Variants in LGR6 observed in about 807,000 individuals in gnomAD.
The protein encoded by LGR6 is leucine-rich repeat-containing G protein-coupled receptor 6.
A neutral mutation model predicts 69.4 loss-of-function variants in LGR6; 45 were observed. The ratio of observed to expected loss-of-function variants is 0.65; its 90% confidence interval spans 0.51 to 0.83. The LOEUF (loss-of-function observed/expected upper bound fraction) is 0.83, where lower values mean the gene tolerates loss of function less well. LGR6 is among the 40% of genes least tolerant of loss of function. The pLI, the probability that LGR6 is intolerant of heterozygous loss-of-function variation, is 0.00. For missense variants in LGR6, 1,108 were observed against 1,246.7 expected (o/e 0.89, Z 1.68); for synonymous variants, 538 against 555.0 (o/e 0.97, Z 0.43).
intron 12 of LGR6, 96 bp from the exon 13 acceptor site, chr1:202,306,772 G>T (rs1380102311): frequency 9.1e-7 from 1 of 1,099,564 alleles, no homozygotes; most frequent in Non-Finnish European, 1.4e-6. Flanking sequence ...CAGGAGAAGT[G>T]GGGGGCTCTA....
At chr1:202,233,625 C>A (rs972973259) in intron 3 of LGR6, among the ~76,000 whole-genome samples, 1 of 152,130 alleles carries the variant, frequency 6.6e-6, no homozygotes, top group East Asian at 1.9e-4. Context: ...CTGGCAGCCT[C>A]TTCCTTTGAA....
Position 202,276,366 on chromosome 1 carries a change from C to T in LGR6, c.489C>T (p.Ser163=), listed in dbSNP as rs771165255. ...VPERSFEGLS[S]LRHLWLDDNA... ...AGAGGAGCTTTGAGGGGCTGTCCTC[C>T]CTCCGCCACCTCTGGCTGGACGACA... Residue 163 remains serine, a synonymous_variant, in exon 5 of 18, where the codon TCC becomes TCT. Transcript: ENST00000367278. 143 of 1,614,088 alleles carry T rather than the reference C, an allele frequency of 8.9e-5. No individual in the cohort carries two copies. The highest frequency in any genetic ancestry group is 5.2e-5 in the Non-Finnish European group (61 of 1,180,024).
intron 6 of LGR6, among the ~76,000 whole-genome samples, chr1:202,296,106 C>T (rs931816070): frequency 5.9e-5 from 9 of 152,134 alleles, no homozygotes; most frequent in Non-Finnish European, 8.8e-5. Flanking sequence ...TGAAGGGCCT[C>T]CATGTGGTCC....
chr1:202,264,865 C>T (rs1189151015), intron 4 of LGR6, among the ~76,000 whole-genome samples: 3 of 152,114 alleles, frequency 2.0e-5, no homozygotes, highest in South Asian at 4.1e-4. Flanking sequence ...CGCCACCACC[C>T]CAGGGGTTCT....
chr1:202,281,198 G>A (rs1488452682), intron 6 of LGR6, among the ~76,000 whole-genome samples: 1 of 152,094 alleles, frequency 6.6e-6, no homozygotes, highest in Non-Finnish European at 1.5e-5. Context: ...TGAAGCCCGG[G>A]GAATAGAAGG....
In LGR6 at chr1:202,203,927, G is replaced by T. The variant is rs749497152; in HGVS notation, c.212+9726G>T. On this transcript the variant is annotated intron_variant, in intron 1 of 17. Coordinates refer to ENST00000367278, the MANE Select transcript of LGR6 (RefSeq NM_001017403.2). ...TCCTTGGGGGGTGTTTAGCACAGAGGGGGTGCGATTTTATTTCCTGTGAAA... is the reference window on the plus strand; with the variant it reads ...TCCTTGGGGGGTGTTTAGCACAGAGTGGGTGCGATTTTATTTCCTGTGAAA... 27 of 1,329,714 alleles carry T rather than the reference G, an allele frequency of 2.0e-5. No individual in the cohort carries two copies. The South Asian group carries it at 3.2e-4, about 16-fold the overall frequency. 82.4% of individuals were successfully genotyped at this position (1,329,714 alleles called of 1,614,324 possible).
At chr1:202,306,283 A>G (rs1653179467) in intron 12 of LGR6, among the ~76,000 whole-genome samples, 1 of 152,226 alleles carries the variant, frequency 6.6e-6, no homozygotes, top group Admixed American at 6.5e-5. Flanking sequence ...TCTAAGCTGT[A>G]TTAACCCAGC....
chr1:202,273,204 A>G (rs867008439), intron 4 of LGR6, among the ~76,000 whole-genome samples: 76 of 152,296 alleles, frequency 5.0e-4, no homozygotes, highest in African/African-American at 1.7e-3. Context: ...TACCTGGCAT[A>G]TGACAAGGAC....
At chr1:202,214,166 G>A in intron 1 of LGR6, 1 of 1,523,834 alleles carries the variant, frequency 6.6e-7, no homozygotes. Context: ...TGCGCTTGGA[G>A]GGAGAGGGCC....
At chr1:202,280,703 A>G in intron 5 of LGR6, 78 bp from the exon 6 acceptor site, 5 of 1,273,266 alleles carry the variant, frequency 3.9e-6, no homozygotes, top group Non-Finnish European at 5.7e-6. Flanking sequence ...CACTTTCCCC[A>G]TGCCACCATG....
At chr1:202,217,683 C>A (rs1010423176) in intron 1 of LGR6, among the ~76,000 whole-genome samples, 4 of 152,050 alleles carry the variant, frequency 2.6e-5, no homozygotes, top group South Asian at 2.1e-4. Flanking sequence ...CCACTCCAGG[C>A]ACCCCTCCAG....
At chr1:202,203,935 A>C in intron 1 of LGR6, 1 of 1,205,226 alleles carries the variant, frequency 8.3e-7, no homozygotes. Flanking sequence ...AGGGGGTGCG[A>C]TTTTATTTCC....
At chr1:202,249,237 T>C (rs1158192600) in intron 4 of LGR6, among the ~76,000 whole-genome samples, 1 of 152,206 alleles carries the variant, frequency 6.6e-6, no homozygotes, top group Non-Finnish European at 1.5e-5. Context: ...TTTGATTGCA[T>C]AGGAGCATGT....
At chr1:202,215,046 G>A (rs1659680801) in intron 1 of LGR6, among the ~76,000 whole-genome samples, 1 of 146,594 alleles carries the variant, frequency 6.8e-6, no homozygotes, top group Admixed American at 7.0e-5. Flanking sequence ...GGTGAGTTGA[G>A]TTGCTGGGTT....
At chr1:202,240,789 A>T (rs1662126930) in intron 4 of LGR6, among the ~76,000 whole-genome samples, 1 of 152,154 alleles carries the variant, frequency 6.6e-6, no homozygotes, top group South Asian at 2.1e-4. Context: ...GGGAAAAATG[A>T]CAATTTTTTG....
intron 16 of LGR6, among the ~76,000 whole-genome samples, chr1:202,310,834 T>C (rs1653668758): frequency 6.6e-6 from 1 of 151,516 alleles, no homozygotes; most frequent in South Asian, 2.1e-4. Flanking sequence ...AAAGGAACAG[T>C]GTAGGGTTAT....
chr1:202,310,096 C>A, intron 15 of LGR6, 101 bp from the exon 16 acceptor site: 2 of 1,213,882 alleles, frequency 1.6e-6, no homozygotes, highest in Non-Finnish European at 2.3e-6. Flanking sequence ...AGGACAGACA[C>A]TGAGTGCCCA....
intron 17 of LGR6, 26 bp from the exon 18 acceptor site, chr1:202,317,926 G>C (rs752266665): frequency 6.4e-7 from 1 of 1,568,624 alleles, no homozygotes; most frequent in African/African-American, 1.3e-5. Flanking sequence ...CTCTGGCCCA[G>C]GGTTAATGTC....
At chr1:202,198,248 T>A (rs1400646194) in intron 1 of LGR6, among the ~76,000 whole-genome samples, 1 of 152,126 alleles carries the variant, frequency 6.6e-6, no homozygotes, top group East Asian at 1.9e-4. Context: ...GGTTGTGGCA[T>A]TTGCCACAAC....
Sources: allele counts gnomAD v4.1 joint callset (sites outside exome capture counted in the v4.1 genomes callset), GRCh38; gene constraint gnomAD v4.1.1; transcripts MANE v1.5; gene names NCBI Gene and HGNC (gene_info 2026-07-23, HGNC 2026-07-21).